KATNAL1: variants seen among roughly 807,000 people sequenced by gnomAD.
KATNAL1 encodes katanin catalytic subunit A1 like 1, also known as katanin p60 ATPase-containing subunit A-like 1.
A neutral mutation model predicts 55.2 loss-of-function variants in KATNAL1; 32 were observed. The observed-to-expected ratio is 0.58, with a 90% CI of 0.44 to 0.78. The LOEUF (loss-of-function observed/expected upper bound fraction) is 0.78. KATNAL1 is among the 30% of genes least tolerant of loss of function. The pLI, the probability that KATNAL1 is intolerant of heterozygous loss-of-function variation, is 0.00. For synonymous variants in KATNAL1, 193 were observed against 193.6 expected (o/e 1.00, Z 0.02); for missense variants, 466 against 600.9 (o/e 0.78, Z 2.35).
At chr13:30,279,034 T>C (rs921281627) in intron 3 of KATNAL1, among the ~76,000 whole-genome samples, 3 of 152,226 alleles carry the variant, frequency 2.0e-5, no homozygotes, top group Non-Finnish European at 4.4e-5. Flanking sequence ...GTTCTTAAAA[T>C]GTTTTTAGAA....
At position 30,268,209 on chromosome 13, in the gene KATNAL1, G is replaced by A. The variant is rs547151173; in HGVS notation, c.323+11854C>T. Among the ~76,000 whole-genome samples the A allele has an allele frequency of 1.7e-3, 256 of 152,234 alleles. 1 individual carries two copies. The highest frequency in any genetic ancestry group is 5.7e-3 in the African/African-American group (238 of 41,518). ...GGCTGAAGCAAACACAGATGTCTCA[G>A]GAGTGACAACTTCTTCCAAACAAGC... On this transcript the variant is annotated intron_variant, in intron 3 of 10. Coordinates refer to ENST00000380615, the MANE Select transcript of KATNAL1 (RefSeq NM_032116.5).
chr13:30,239,120 A>T (rs1044417528), intron 6 of KATNAL1, among the ~76,000 whole-genome samples: 6 of 152,138 alleles, frequency 3.9e-5, no homozygotes, highest in African/African-American at 1.4e-4. Flanking sequence ...TTTAAAATAC[A>T]TTTATCAGGC....
At chr13:30,210,578 A>C in intron 9 of KATNAL1, 136 bp from the exon 10 acceptor site, 2 of 491,762 alleles carry the variant, frequency 4.1e-6, no homozygotes, top group African/African-American at 2.1e-5. Flanking sequence ...CATTAGTATT[A>C]TTACCAATTC....
At chr13:30,260,581 C>T (rs1028337471) in intron 3 of KATNAL1, among the ~76,000 whole-genome samples, 7 of 152,010 alleles carry the variant, frequency 4.6e-5, no homozygotes, top group African/African-American at 1.5e-4. Context: ...ATGCAGAAGC[C>T]TCAGGAGCCG....
intron 6 of KATNAL1, among the ~76,000 whole-genome samples, chr13:30,238,056 C>G (rs80086619): frequency 1.3e-5 from 2 of 152,236 alleles, no homozygotes; most frequent in Non-Finnish European, 2.9e-5. Flanking sequence ...TCTTTGCCTC[C>G]CGTCTTTCTG....
rs567931940 is a variant in KATNAL1 at position 30,223,243 on chromosome 13, T to C, written c.1147+4169A>G. The stretch of plus-strand genomic sequence containing the variant: ...TCACAAGGTCAGGAGATCGAGACCA[T>C]CCTGGCTAACACGGTGAAACTCCGT... On this transcript the variant is annotated intron_variant, in intron 9 of 10. Coordinates refer to ENST00000380615, the MANE Select transcript of KATNAL1 (RefSeq NM_032116.5). 2.0e-5 allele frequency among the ~76,000 whole-genome samples: 3 copies of C among 149,008 alleles called. No homozygotes were observed. The East Asian group carries it at 5.8e-4, about 29-fold the overall frequency.
At chr13:30,222,056 A>G (rs993116902) in intron 9 of KATNAL1, among the ~76,000 whole-genome samples, 3 of 152,178 alleles carry the variant, frequency 2.0e-5, no homozygotes, top group African/African-American at 7.2e-5. Flanking sequence ...CATCTCAGAA[A>G]GAAAAAAGAA....
At chr13:30,275,871 G>GA (rs1290386238) in intron 3 of KATNAL1, among the ~76,000 whole-genome samples, 2 of 151,592 alleles carry the variant, frequency 1.3e-5, no homozygotes, top group Non-Finnish European at 2.9e-5. Flanking sequence ...AAAGTTGGGG[G>GA]AAAAAAGGAC....
chr13:30,219,904 A>T (rs887476335), intron 9 of KATNAL1, among the ~76,000 whole-genome samples: 5 of 152,230 alleles, frequency 3.3e-5, no homozygotes, highest in African/African-American at 7.2e-5. Context: ...AATATAAAGT[A>T]TGTCTTTCCC....
At chr13:30,266,388 A>C (rs1278690022) in intron 3 of KATNAL1, among the ~76,000 whole-genome samples, 2 of 152,256 alleles carry the variant, frequency 1.3e-5, no homozygotes, top group South Asian at 2.1e-4. Context: ...ACCAACATTT[A>C]TAAATTTAAT....
intron 3 of KATNAL1, among the ~76,000 whole-genome samples, chr13:30,266,613 C>T (rs1879803747): frequency 6.6e-6 from 1 of 152,102 alleles, no homozygotes; most frequent in South Asian, 2.1e-4. Flanking sequence ...GCATGTCACC[C>T]TCATTAGCCC....
chr13:30,211,789 G>A (rs969657648), intron 9 of KATNAL1, among the ~76,000 whole-genome samples: 1 of 152,206 alleles, frequency 6.6e-6, no homozygotes, highest in African/African-American at 2.4e-5. Flanking sequence ...ACAGCAAAGT[G>A]GAAAGAAATG....
chr13:30,217,571 C>T lies in KATNAL1; in HGVS notation c.1148-7129G>A, dbSNP rs1013546309. Among the ~76,000 whole-genome samples the T allele has an allele frequency of 1.0e-4, 15 of 147,086 alleles. No homozygotes were observed. The East Asian group carries it at 3.3e-3, about 32-fold the overall frequency. ...CTGTATCACAAAATTAACACACATT[C>T]TAAATTTAAATAAATGTTGTTAGAG... On this transcript the variant is annotated intron_variant, in intron 9 of 10. Transcript: ENST00000380615.
At chr13:30,269,735 A>G in intron 3 of KATNAL1, among the ~76,000 whole-genome samples, 1 of 148,630 alleles carries the variant, frequency 6.7e-6, no homozygotes, top group South Asian at 2.2e-4. Flanking sequence ...CCCGTCTGAG[A>G]AGAGAGGAGA....
At chr13:30,221,961 G>A (rs1874908424) in intron 9 of KATNAL1, among the ~76,000 whole-genome samples, 1 of 152,176 alleles carries the variant, frequency 6.6e-6, no homozygotes, top group African/African-American at 2.4e-5. Context: ...TGAGGCAGGA[G>A]AATCCCTTGA....
chr13:30,231,554 T>A (rs1174960875), intron 6 of KATNAL1, 82 bp from the exon 7 acceptor site: 1 of 852,374 alleles, frequency 1.2e-6, no homozygotes, highest in African/African-American at 1.8e-5. Context: ...TAATGTACAT[T>A]GAGATTTTTC....
intron 3 of KATNAL1, among the ~76,000 whole-genome samples, chr13:30,256,709 G>T (rs11620122): frequency 1.3e-5 from 2 of 150,440 alleles, no homozygotes; most frequent in African/African-American, 2.4e-5. Flanking sequence ...GAAAAAAAAA[G>T]AAAAAAAAAT....
chr13:30,291,227 C>T (rs1032981433), intron 1 of KATNAL1, among the ~76,000 whole-genome samples: 1 of 152,140 alleles, frequency 6.6e-6, no homozygotes, highest in Non-Finnish European at 1.5e-5. Flanking sequence ...AACTAATAAA[C>T]GAGTTGTGTA....
At chr13:30,245,568 A>G (rs1877706355) in intron 4 of KATNAL1, among the ~76,000 whole-genome samples, 2 of 152,190 alleles carry the variant, frequency 1.3e-5, no homozygotes, top group African/African-American at 4.8e-5. Context: ...ATCAGGAAAG[A>G]GAAAGAAATA....
Sources: gnomAD v4.1 joint callset for allele counts (sites outside exome capture counted in the v4.1 genomes callset) on GRCh38, gnomAD v4.1.1 for gene constraint, MANE v1.5 for transcripts, NCBI Gene and HGNC (gene_info 2026-07-23, HGNC 2026-07-21) for gene names.